Variants in AGAP1 observed in about 807,000 individuals in gnomAD.
The protein encoded by AGAP1 is arf-GAP with GTPase, ANK repeat and PH domain-containing protein 1.
In AGAP1, 29 loss-of-function variants were observed where a neutral mutation model predicts 105.3. The observed-to-expected ratio is 0.28, with a 90% CI of 0.21 to 0.38. AGAP1 has a LOEUF of 0.38. AGAP1 is among the 10% of genes least tolerant of loss of function. The probability of loss-of-function intolerance (pLI) is 1.00; values close to 1 mark genes in which losing one functional copy is unlikely to be tolerated. For missense variants in AGAP1, 998 were observed against 1,165.1 expected, an observed-to-expected ratio of 0.86 and a Z score of 2.09; for synonymous variants, 509 against 485.9, an observed-to-expected ratio of 1.05 and a Z score of -0.63.
chr2:235,599,033 C>T lies in AGAP1; in HGVS notation c.163+104184C>T, dbSNP rs1270343370. Among the ~76,000 whole-genome samples, 2 of 152,142 alleles carry T rather than the reference C, an allele frequency of 1.3e-5. No individual in the cohort carries two copies. The highest frequency in any genetic ancestry group is 1.9e-4 in the East Asian group (1 of 5,190). The stretch of plus-strand genomic sequence containing the variant: ...CTGTGGTGGTGTACACAGATGAGCT[C>T]ACTGCTGTCCTCGGAGCAGGTAGGA... On this transcript the variant is annotated intron_variant, in intron 1 of 17. Transcript: ENST00000304032. This position sits in a 1 kb window ranked among gnomAD's most constrained non-coding sequence, Gnocchi z 5.3.
chr2:235,617,017 T>C (rs1274839186), intron 1 of AGAP1, among the ~76,000 whole-genome samples: 1 of 152,068 alleles, frequency 6.6e-6, no homozygotes, highest in Non-Finnish European at 1.5e-5. Context: ...ATCAGCTCTC[T>C]AGGGATTGGG....
At chr2:235,619,135 C>A (rs539583179) in intron 1 of AGAP1, among the ~76,000 whole-genome samples, 1 of 152,210 alleles carries the variant, frequency 6.6e-6, no homozygotes, top group Non-Finnish European at 1.5e-5. Flanking sequence ...TAGCCCATGT[C>A]GATTTTAGAC....
rs560212557 is a variant in AGAP1, at chr2:235,733,563, A to G, written c.311-7400A>G. Among the ~76,000 whole-genome samples the G allele has an allele frequency of 5.3e-5, 8 of 152,182 alleles. No individual in the cohort carries two copies. The highest frequency in any genetic ancestry group is 8.8e-5 in the Non-Finnish European group (6 of 68,044). ...TTTTATTAGGAAAGGAGGAAAGGAA[A>G]TTCAGTTATAGTGAAGTTCTAATCT... On this transcript the variant is annotated intron_variant, in intron 3 of 17. Coordinates refer to ENST00000304032, the MANE Select transcript of AGAP1 (RefSeq NM_001037131.3). The surrounding 1 kb of genome is among the most constrained non-coding windows in gnomAD (Gnocchi z 5.0).
chr2:235,798,866 G>GT lies in AGAP1; in HGVS notation c.802-500dup, dbSNP rs1206012335. The stretch of plus-strand genomic sequence containing the variant: ...AGCCTGGGTGACAGAGTGAGACCCT[G>GT]TCTCAAAAAAAAAAAAAAAAAAAAA... On this transcript the variant is annotated intron_variant, in intron 7 of 17. Coordinates refer to ENST00000304032, the MANE Select transcript of AGAP1 (RefSeq NM_001037131.3). Among the ~76,000 whole-genome samples, 3 of 106,676 alleles carry GT rather than the reference G, an allele frequency of 2.8e-5. No individual in the cohort carries two copies. The Admixed American group carries it at 3.7e-4, about 13-fold the overall frequency. The allele number at this position is 106,676 out of a possible 152,430, so 70.0% of individuals were successfully genotyped here. A position where few individuals can be genotyped will look rare whatever the true frequency, so the allele number is the denominator to read the frequency against.
In AGAP1 at chr2:236,124,281, A is replaced by G; in HGVS notation, c.*159A>G. 2 of 792,340 alleles carry G rather than the reference A, an allele frequency of 2.5e-6. No individual in the cohort carries two copies. Among genetic ancestry groups the G allele is most frequent in the South Asian group, 1.8e-5 (1 of 57,030 alleles). 49.1% of individuals were successfully genotyped at this position (792,340 alleles called of 1,614,324 possible). ...CACTCTCACCCCAAACAAAATCACA[A>G]AACCTGGACATCCCTCAAGGGGCGA... On this transcript the variant is annotated 3_prime_UTR_variant, in exon 18 of 18. Coordinates refer to ENST00000304032, the MANE Select transcript of AGAP1 (RefSeq NM_001037131.3). This position sits in a 1 kb window ranked among gnomAD's most constrained non-coding sequence, Gnocchi z 5.1.
chr2:235,875,576 C>G lies in AGAP1; in HGVS notation c.1051-7769C>G, dbSNP rs185682451. Among the ~76,000 whole-genome samples, 1 of 152,166 alleles carries G rather than the reference C, an allele frequency of 6.6e-6. No individual in the cohort carries two copies. Among genetic ancestry groups the G allele is most frequent in the Admixed American group, 6.5e-5 (1 of 15,272 alleles). ...GCGATTGGACACGTGATTCCCAGCA[C>G]GTTTCCTGAGGTTCCGCCTGCAGCC... is the stretch of plus-strand genomic sequence containing the variant. On this transcript the variant is annotated intron_variant, in intron 9 of 17. Coordinates refer to ENST00000304032, the MANE Select transcript of AGAP1 (RefSeq NM_001037131.3). The surrounding 1 kb of genome is among the most constrained non-coding windows in gnomAD (Gnocchi z 4.0).
chr2:235,743,751 GCTT>G (rs1433821031), intron 4 of AGAP1, among the ~76,000 whole-genome samples: 1 of 152,202 alleles, frequency 6.6e-6, no homozygotes, highest in Non-Finnish European at 1.5e-5. Flanking sequence ...AGGAACTACA[GCTT>G]CTTTTAGGGA....
At chr2:235,554,782 G>A (rs2149123208) in intron 1 of AGAP1, among the ~76,000 whole-genome samples, 1 of 152,276 alleles carries the variant, frequency 6.6e-6, no homozygotes, top group East Asian at 1.9e-4. Flanking sequence ...CAGTTCTCCT[G>A]CCTCAGCCTC....
intron 2 of AGAP1, among the ~76,000 whole-genome samples, chr2:235,710,670 G>T (rs1318843504): frequency 6.6e-6 from 1 of 152,244 alleles, no homozygotes; most frequent in African/African-American, 2.4e-5. Flanking sequence ...CGCGGCACTG[G>T]CAGGGTGTCT....
intron 12 of AGAP1, among the ~76,000 whole-genome samples, chr2:235,952,733 A>G (rs1440032403): frequency 6.7e-6 from 1 of 149,950 alleles, no homozygotes; most frequent in Non-Finnish European, 1.5e-5. Flanking sequence ...GAGTTTCCGC[A>G]CACACAGACT....
chr2:235,575,630 C>G (rs1293933121), intron 1 of AGAP1, among the ~76,000 whole-genome samples: 1 of 152,238 alleles, frequency 6.6e-6, no homozygotes, highest in Admixed American at 6.5e-5. Flanking sequence ...CAGAGACAAA[C>G]TCAGACATGC....
intron 1 of AGAP1, among the ~76,000 whole-genome samples, chr2:235,657,956 C>T (rs796390134): frequency 1.3e-5 from 2 of 152,118 alleles, no homozygotes; most frequent in East Asian, 1.9e-4. Context: ...ATGTCCAAGC[C>T]GAGAGACCTC....
At chr2:235,808,564 C>G (rs1229880320) in intron 9 of AGAP1, among the ~76,000 whole-genome samples, 1 of 152,100 alleles carries the variant, frequency 6.6e-6, no homozygotes, top group East Asian at 1.9e-4. Context: ...CCCAAGGAGC[C>G]CAGGAACTAC....
chr2:235,748,299 A>G (rs1439685113), intron 5 of AGAP1, among the ~76,000 whole-genome samples: 3 of 152,182 alleles, frequency 2.0e-5, no homozygotes, highest in Non-Finnish European at 4.4e-5. Context: ...GCTCGGCCGC[A>G]GGTCAGGGTC....
Position 235,659,256 on chromosome 2 carries a change from T to G in AGAP1, c.164-49923T>G, listed in dbSNP as rs1947872196. Among the ~76,000 whole-genome samples the G allele has an allele frequency of 6.6e-6, 1 of 152,190 alleles. No individual in the cohort carries two copies. Among genetic ancestry groups the G allele is most frequent in the South Asian group, 2.1e-4 (1 of 4,822 alleles). ...TTTTTAACCTGTGACTGACTTTTTATGTCTTTCTATGTCTGTAAAATCGGG... is the reference window on the plus strand; with the variant it reads ...TTTTTAACCTGTGACTGACTTTTTAGGTCTTTCTATGTCTGTAAAATCGGG... On this transcript the variant is annotated intron_variant, in intron 1 of 17. Coordinates refer to ENST00000304032, the MANE Select transcript of AGAP1 (RefSeq NM_001037131.3). The surrounding 1 kb of genome is among the most constrained non-coding windows in gnomAD (Gnocchi z 5.0).
rs1327043180 is a variant in AGAP1 at position 235,961,471 on chromosome 2, G to A, written c.1484-6991G>A. ...CCCCAGCAAGGACACACCAGTGGTT[G>A]GTGGGATGTGAGCGGGACTGGAGTG... On this transcript the variant is annotated intron_variant, in intron 12 of 17. Coordinates refer to ENST00000304032, the MANE Select transcript of AGAP1 (RefSeq NM_001037131.3). This position sits in a 1 kb window ranked among gnomAD's most constrained non-coding sequence, Gnocchi z 5.9. Among the ~76,000 whole-genome samples, 1 of 152,218 alleles carries A rather than the reference G, an allele frequency of 6.6e-6. No individual in the cohort carries two copies. Among genetic ancestry groups the A allele is most frequent in the Admixed American group, 6.5e-5 (1 of 15,284 alleles).
At chr2:236,094,670 CT>C (rs1164946742) in intron 16 of AGAP1, among the ~76,000 whole-genome samples, 2 of 152,128 alleles carry the variant, frequency 1.3e-5, no homozygotes, top group East Asian at 3.9e-4. Context: ...GAAATTTTAT[CT>C]TTCACAAACG....
At chr2:236,015,038 C>T (rs2056649074) in intron 13 of AGAP1, among the ~76,000 whole-genome samples, 1 of 152,150 alleles carries the variant, frequency 6.6e-6, no homozygotes, top group African/African-American at 2.4e-5. Flanking sequence ...GTGGTCTTTT[C>T]ATCTTTTTGT....
chr2:235,703,372 G>T (rs992428472), intron 1 of AGAP1, among the ~76,000 whole-genome samples: 1 of 152,200 alleles, frequency 6.6e-6, no homozygotes, highest in African/African-American at 2.4e-5. Flanking sequence ...ATCCTCCCCC[G>T]GCTGTGGCAC....
Sources: gnomAD v4.1 joint callset for allele counts (sites outside exome capture counted in the v4.1 genomes callset) on GRCh38, gnomAD v4.1.1 for gene constraint, Gnocchi (gnomAD v3.1) non-coding constraint, MANE v1.5 for transcripts, NCBI Gene and HGNC (gene_info 2026-07-23, HGNC 2026-07-21) for gene names.